The following UXS1 variants were observed in gnomAD, a reference collection of about 807,000 sequenced individuals.
UXS1 encodes UDP-glucuronic acid decarboxylase 1.
In UXS1, 33 loss-of-function variants were observed where a neutral mutation model predicts 62.6. That is an observed-to-expected ratio of 0.53 (90% CI 0.40 to 0.70). UXS1 has a LOEUF of 0.70. Among genes scored for constraint, UXS1 ranks in the 30% least tolerant of loss-of-function variants. The pLI, the probability that UXS1 is intolerant of heterozygous loss-of-function variation, is 0.00. For synonymous variants in UXS1, 213 were observed against 206.8 expected (o/e 1.03, Z -0.26); for missense variants, 434 against 556.3 (o/e 0.78, Z 2.21).
Position 106,194,281 on chromosome 2 carries a change from G to C in UXS1, c.-40C>G, listed in dbSNP as rs769925047. On this transcript the variant is annotated 5_prime_UTR_variant, in exon 1 of 15. Coordinates refer to ENST00000283148, the MANE Select transcript of UXS1 (RefSeq NM_001253875.2). ...CGGGTCCAGGGCCCTACCGCGCGGG[G>C]GCCCGCCTGCTGCACAATGCGCGGC... is the stretch of plus-strand genomic sequence containing the variant. The C allele has an allele frequency of 8.5e-5, 103 of 1,204,742 alleles. No homozygotes were observed. Among genetic ancestry groups the C allele is most frequent in the Admixed American group, 2.4e-4 (6 of 24,844 alleles). 74.6% of individuals were successfully genotyped at this position (1,204,742 alleles called of 1,614,324 possible). A position where few individuals can be genotyped will look rare whatever the true frequency, so the allele number is the denominator to read the frequency against.
rs573740486 is a variant in UXS1, at chr2:106,179,081, TCTC to T, written c.95-13001_95-12999del. ...CTGCATGGTCACTGGTGTCTGGCTC[TCTC>T]CTCCTCCTGAGGGTGCCCAGTCTCC... On this transcript the variant is annotated intron_variant, in intron 1 of 14. Coordinates refer to ENST00000283148, the MANE Select transcript of UXS1 (RefSeq NM_001253875.2). Among the ~76,000 whole-genome samples the T allele has an allele frequency of 3.7e-3, 560 of 152,192 alleles. 3 individuals carry two copies. The highest frequency in any genetic ancestry group is 0.013 in the African/African-American group (543 of 41,524).
At chr2:106,172,466 G>GT (rs746472346) in intron 1 of UXS1, among the ~76,000 whole-genome samples, 7 of 152,318 alleles carry the variant, frequency 4.6e-5, no homozygotes, top group Non-Finnish European at 8.8e-5. Flanking sequence ...ATTTATTTGA[G>GT]TATCTTCTAG....
intron 10 of UXS1, among the ~76,000 whole-genome samples, chr2:106,105,532 G>A (rs951031846): frequency 6.6e-6 from 1 of 152,152 alleles, no homozygotes; most frequent in Non-Finnish European, 1.5e-5. Flanking sequence ...TCATCCTTTA[G>A]GGACAAGCTC....
chr2:106,141,559 G>A (rs1354263212), intron 6 of UXS1, among the ~76,000 whole-genome samples: 1 of 151,318 alleles, frequency 6.6e-6, no homozygotes, highest in African/African-American at 2.4e-5. Context: ...CTGGGCTCAA[G>A]TAATCCTCCC....
At chr2:106,120,769 C>G (rs987857310) in intron 9 of UXS1, among the ~76,000 whole-genome samples, 4 of 152,222 alleles carry the variant, frequency 2.6e-5, no homozygotes, top group African/African-American at 9.6e-5. Flanking sequence ...ACAGAAGTGA[C>G]TCTTGCAGCC....
At chr2:106,145,578 G>A in intron 5 of UXS1, 2 of 461,354 alleles carry the variant, frequency 4.3e-6, no homozygotes, top group Non-Finnish European at 3.6e-6. Context: ...CTCCTAAGCA[G>A]CCTAAAATTT....
chr2:106,151,484 T>C (rs1169090818), intron 5 of UXS1, among the ~76,000 whole-genome samples: 1 of 152,126 alleles, frequency 6.6e-6, no homozygotes, highest in Non-Finnish European at 1.5e-5. Flanking sequence ...CCCCTTTGTC[T>C]CTCTCATCCA....
At chr2:106,116,723 G>C (rs1022841161) in intron 9 of UXS1, among the ~76,000 whole-genome samples, 1 of 151,924 alleles carries the variant, frequency 6.6e-6, no homozygotes, top group African/African-American at 2.4e-5. Context: ...GGAGTGGCTT[G>C]AGCCTGTGTG....
chr2:106,163,028 T>C lies in UXS1; in HGVS notation c.230+639A>G, dbSNP rs1682995304. Among the ~76,000 whole-genome samples the C allele has an allele frequency of 3.9e-5, 6 of 152,194 alleles. No individual in the cohort carries two copies. In the South Asian group the frequency reaches 1.2e-3, roughly 31 times the overall value. On this transcript the variant is annotated intron_variant, in intron 4 of 14. Coordinates refer to ENST00000283148, the MANE Select transcript of UXS1 (RefSeq NM_001253875.2). ...ATTTCTGAAGATTCAACTGCTACTC[T>C]AGATAGTTTTCCACATACAGTACGT...
At chr2:106,162,739 G>A (rs1233947925) in intron 4 of UXS1, among the ~76,000 whole-genome samples, 1 of 152,204 alleles carries the variant, frequency 6.6e-6, no homozygotes, top group African/African-American at 2.4e-5. Flanking sequence ...GTTCTGATAA[G>A]TGCTGAAATT....
chr2:106,125,036 C>A (rs1461797240), intron 8 of UXS1, among the ~76,000 whole-genome samples: 1 of 152,226 alleles, frequency 6.6e-6, no homozygotes, highest in Non-Finnish European at 1.5e-5. Flanking sequence ...GAAATCAACA[C>A]ACATTGAAAA....
intron 1 of UXS1, among the ~76,000 whole-genome samples, chr2:106,185,859 G>A (rs1332040995): frequency 6.6e-6 from 1 of 152,202 alleles, no homozygotes; most frequent in African/African-American, 2.4e-5. Flanking sequence ...CAAAAGACAA[G>A]AAACCCTGGA....
chr2:106,182,512 A>AT (rs568528213), intron 1 of UXS1, among the ~76,000 whole-genome samples: 5 of 152,294 alleles, frequency 3.3e-5, no homozygotes, highest in Admixed American at 6.5e-5. Context: ...AGCTTAAAAA[A>AT]TTTTAATAAT....
intron 4 of UXS1, chr2:106,160,492 A>C (rs963599080): frequency 3.3e-5 from 5 of 152,258 alleles, no homozygotes; most frequent in African/African-American, 1.2e-4. Flanking sequence ...CCGCTCGGGA[A>C]TGGGAATATA....
chr2:106,102,113 A>G (rs767210110), intron 11 of UXS1: 1 of 152,252 alleles, frequency 6.6e-6, no homozygotes, highest in Non-Finnish European at 1.5e-5. Context: ...TTCCTTTACG[A>G]CAAATGCGTA....
At chr2:106,103,762 A>T (rs1677810621) in intron 11 of UXS1, among the ~76,000 whole-genome samples, 1 of 152,204 alleles carries the variant, frequency 6.6e-6, no homozygotes, top group African/African-American at 2.4e-5. Context: ...ATGTTTACTC[A>T]CAGCTTTCTT....
chr2:106,180,599 A>T (rs1439337931), intron 1 of UXS1, among the ~76,000 whole-genome samples: 3 of 152,210 alleles, frequency 2.0e-5, no homozygotes, highest in Non-Finnish European at 4.4e-5. Flanking sequence ...GCAGGACACC[A>T]ATAAACTTGG....
intron 6 of UXS1, among the ~76,000 whole-genome samples, chr2:106,142,277 GAA>G (rs1207719114): frequency 6.6e-6 from 1 of 152,028 alleles, no homozygotes; most frequent in Non-Finnish European, 1.5e-5. Context: ...TCATCATCAG[GAA>G]AAAAGTTTCT....
chr2:106,193,659 C>A (rs981770731), intron 1 of UXS1, among the ~76,000 whole-genome samples: 8 of 152,212 alleles, frequency 5.3e-5, no homozygotes, highest in Non-Finnish European at 1.0e-4. Flanking sequence ...AAGAGTTAAA[C>A]GCTGAGTAAT....
Sources: allele counts gnomAD v4.1 joint callset (sites outside exome capture counted in the v4.1 genomes callset), GRCh38; gene constraint gnomAD v4.1.1; transcripts MANE v1.5; gene names NCBI Gene and HGNC (gene_info 2026-07-23, HGNC 2026-07-21).